The following TTLL11 variants were observed in gnomAD, a reference collection of about 807,000 sequenced individuals.
The protein encoded by TTLL11 is tubulin tyrosine ligase like 11, also known as tubulin polyglutamylase TTLL11.
In TTLL11, 42 loss-of-function variants were observed where a neutral mutation model predicts 51.7. The observed-to-expected ratio is 0.81, with a 90% CI of 0.64 to 1.05. The LOEUF (loss-of-function observed/expected upper bound fraction) is 1.05, where lower values mean the gene tolerates loss of function less well. TTLL11 is among the 50% of genes least tolerant of loss of function. TTLL11 has a pLI of 0.00. For missense variants in TTLL11, 799 were observed against 940.4 expected (o/e 0.85, Z 1.97); for synonymous variants, 381 against 383.5 (o/e 0.99, Z 0.08).
At chr9:121,867,801 C>T (rs906140165) in intron 7 of TTLL11, among the ~76,000 whole-genome samples, 1 of 151,990 alleles carries the variant, frequency 6.6e-6, no homozygotes, top group Non-Finnish European at 1.5e-5. Flanking sequence ...TGTGACTCTA[C>T]GAAAACATTA....
intron 3 of TTLL11, among the ~76,000 whole-genome samples, chr9:122,009,618 G>A (rs747060947): frequency 6.6e-6 from 1 of 151,102 alleles, no homozygotes; most frequent in South Asian, 2.1e-4. Context: ...TATACATAAA[G>A]AACACATATA....
chr9:121,985,513 C>CTTTTTTTTT (rs71371908), intron 4 of TTLL11, among the ~76,000 whole-genome samples: 16 of 97,272 alleles, frequency 1.6e-4, no homozygotes, highest in East Asian at 5.3e-4. Context: ...ATTTTCTTTT[C>CTTTTTTTTT]TTTTTTTTTT....
intron 3 of TTLL11, among the ~76,000 whole-genome samples, chr9:122,008,673 A>G (rs535582369): frequency 1.1e-3 from 160 of 152,370 alleles, no homozygotes; most frequent in Admixed American, 2.9e-3. Context: ...ACTACCCATC[A>G]TGATCCAGAA....
rs1177208946 is a variant in TTLL11, at chr9:121,912,860, T to A, written c.1482-42112A>T. 2.6e-5 allele frequency among the ~76,000 whole-genome samples: 4 copies of A among 151,864 alleles called. No homozygotes were observed. In the South Asian group the frequency reaches 8.3e-4, roughly 32 times the overall value. On this transcript the variant is annotated intron_variant, in intron 6 of 8. Transcript: ENST00000321582. The stretch of plus-strand genomic sequence containing the variant: ...GGCATTCTTTTCCTCATTTTACGTA[T>A]GAGGAACATGAGATTTAGAGAAATT...
intron 6 of TTLL11, among the ~76,000 whole-genome samples, chr9:121,972,494 T>C (rs989233438): frequency 6.6e-6 from 1 of 152,246 alleles, no homozygotes. Flanking sequence ...CCTGGTGGGA[T>C]TGGCCCATGC....
intron 8 of TTLL11, among the ~76,000 whole-genome samples, chr9:121,856,577 ACCTAATT>A (rs58567737): frequency 0.54 from 81,793 of 151,362 alleles, 22,883 homozygotes; most frequent in East Asian, 0.72. Context: ...TAGGATCTGT[ACCTAATT>A]TATCTTTATA....
In TTLL11 at chr9:121,983,489, G is replaced by A. The variant is rs752704078; in HGVS notation, c.1269+5706C>T. ...TCATTTAGGAGTGATTGTGAATAGGGGGACACCTTTCCAAGGATGGAGGCC... is the reference window on the plus strand; with the variant it reads ...TCATTTAGGAGTGATTGTGAATAGGAGGACACCTTTCCAAGGATGGAGGCC... On this transcript the variant is annotated intron_variant, in intron 4 of 8. Coordinates refer to ENST00000321582, the MANE Select transcript of TTLL11 (RefSeq NM_001139442.2). Among the ~76,000 whole-genome samples, 13 of 152,158 alleles carry A rather than the reference G, an allele frequency of 8.5e-5. 1 individual carries two copies. The highest frequency in any genetic ancestry group is 1.6e-4 in the Non-Finnish European group (11 of 68,044).
intron 6 of TTLL11, among the ~76,000 whole-genome samples, chr9:121,917,574 A>G (rs80328633): frequency 0.032 from 4,643 of 144,440 alleles, 104 homozygotes; most frequent in Non-Finnish European, 0.048. Context: ...AGAAAGAAAG[A>G]AAGGAAGGAA....
intron 1 of TTLL11, among the ~76,000 whole-genome samples, chr9:122,092,142 A>G (rs962823121): frequency 6.6e-6 from 1 of 150,728 alleles, no homozygotes; most frequent in Non-Finnish European, 1.5e-5. Context: ...AGATGATGAG[A>G]TAAGTATAAT....
chr9:122,026,437 CAAA>C (rs59569615), intron 3 of TTLL11, among the ~76,000 whole-genome samples: 9 of 74,624 alleles, frequency 1.2e-4, no homozygotes, highest in Non-Finnish European at 8.9e-5. Context: ...GACTCCATTT[CAAA>C]AAAAAAAAAA....
chr9:122,039,575 A>G (rs923392137), intron 1 of TTLL11, among the ~76,000 whole-genome samples: 1 of 152,168 alleles, frequency 6.6e-6, no homozygotes, highest in Admixed American at 6.5e-5. Flanking sequence ...CAAGTGGTAG[A>G]GCTCTGATTA....
Position 121,995,267 on chromosome 9 carries a change from T to C in TTLL11, c.694-5497A>G, listed in dbSNP as rs1843217635. On this transcript the variant is annotated intron_variant, in intron 3 of 8. Coordinates refer to ENST00000321582, the MANE Select transcript of TTLL11 (RefSeq NM_001139442.2). This position sits in a 1 kb window ranked among gnomAD's most constrained non-coding sequence, Gnocchi z 4.4. ...ACAGACCCCAAACACCCTGTATTTATACTCGATCTGCAGGCGAAGGATGGA... is the reference window on the plus strand; with the variant it reads ...ACAGACCCCAAACACCCTGTATTTACACTCGATCTGCAGGCGAAGGATGGA... 6.6e-6 allele frequency among the ~76,000 whole-genome samples: 1 copy of C among 152,130 alleles called. No homozygotes were observed. The highest frequency in any genetic ancestry group is 2.1e-4 in the South Asian group (1 of 4,830).
At chr9:121,957,871 A>G (rs7866827) in intron 6 of TTLL11, among the ~76,000 whole-genome samples, 11,733 of 152,206 alleles carry the variant, frequency 0.077, 680 homozygotes, top group African/African-American at 0.16. Flanking sequence ...CCAACTCCTT[A>G]CAGTGGTAGA....
At chr9:121,882,029 G>A (rs893683713) in intron 6 of TTLL11, among the ~76,000 whole-genome samples, 19 of 152,132 alleles carry the variant, frequency 1.2e-4, no homozygotes, top group African/African-American at 4.6e-4. Context: ...TCCCTATGTC[G>A]CAGCATTGTT....
chr9:121,824,433 G>A lies in TTLL11; in HGVS notation c.1841-1554C>T, dbSNP rs532193144. 5.7e-3 allele frequency among the ~76,000 whole-genome samples: 792 copies of A among 139,970 alleles called. 6 individuals are homozygous for A. The highest frequency in any genetic ancestry group is 0.02 in the African/African-American group (758 of 37,396). The allele number at this position is 139,970 out of a possible 152,430, so 91.8% of individuals were successfully genotyped here. The stretch of plus-strand genomic sequence containing the variant: ...AGAGGTTGCAGTGAGCCAAGATCAC[G>A]CCACTGCACTCCAGCCTGGCGACAG... On this transcript the variant is annotated intron_variant, in intron 8 of 8. Transcript: ENST00000321582.
intron 1 of TTLL11, among the ~76,000 whole-genome samples, chr9:122,051,067 A>G (rs1845142655): frequency 6.6e-6 from 1 of 152,226 alleles, no homozygotes; most frequent in Admixed American, 6.5e-5. Flanking sequence ...TTTTAGAGCA[A>G]GGTCCCAGAG....
rs3923145 is a variant in TTLL11, at chr9:121,819,712, T to C, written c.*2875A>G. Among the ~76,000 whole-genome samples the C allele has an allele frequency of 2.9e-3, 436 of 152,172 alleles. 4 individuals carry two copies. The highest frequency in any genetic ancestry group is 9.9e-3 in the African/African-American group (410 of 41,504). ...GCAAAGCACAGGGGCTGCCCAGCTA[T>C]GTGTGCCGTGCCTCTGGGCCAGCCA... On this transcript the variant is annotated 3_prime_UTR_variant, in exon 9 of 9. Coordinates refer to ENST00000321582, the MANE Select transcript of TTLL11 (RefSeq NM_001139442.2).
At chr9:121,872,836 G>T (rs974659462) in intron 6 of TTLL11, among the ~76,000 whole-genome samples, 6 of 152,216 alleles carry the variant, frequency 3.9e-5, no homozygotes, top group African/African-American at 1.4e-4. Context: ...CCCACAAAGA[G>T]GAGAGTCCTG....
intron 6 of TTLL11, among the ~76,000 whole-genome samples, chr9:121,881,293 G>A (rs1838778439): frequency 6.7e-6 from 1 of 148,578 alleles, no homozygotes; most frequent in African/African-American, 2.5e-5. Context: ...ACAATAAGTT[G>A]GGGGAAGCCA....
Sources: gnomAD v4.1 joint callset for allele counts (sites outside exome capture counted in the v4.1 genomes callset) on GRCh38, gnomAD v4.1.1 for gene constraint, Gnocchi (gnomAD v3.1) non-coding constraint, MANE v1.5 for transcripts, NCBI Gene and HGNC (gene_info 2026-07-23, HGNC 2026-07-21) for gene names.